DCAF5: variants seen among roughly 807,000 people sequenced by gnomAD.
DCAF5 encodes DDB1- and CUL4-associated factor 5.
In DCAF5, 9 loss-of-function variants were observed where a neutral mutation model predicts 80.7. The ratio of observed to expected loss-of-function variants is 0.11; its 90% confidence interval spans 0.07 to 0.19. The LOEUF is 0.19. Ranked by LOEUF, DCAF5 falls within the 10% of genes least tolerant of loss-of-function variation. The pLI is 1.00. For synonymous variants in DCAF5, 433 were observed against 461.9 expected (o/e 0.94, Z 0.80); for missense variants, 842 against 1,205.7 (o/e 0.70, Z 4.47).
At chr14:69,112,432 A>G (rs1407496990) in intron 5 of DCAF5, among the ~76,000 whole-genome samples, 2 of 152,106 alleles carry the variant, frequency 1.3e-5, no homozygotes, top group African/African-American at 4.8e-5. Flanking sequence ...CAGGGACCCT[A>G]TGTGATTTAG....
chr14:69,079,154 G>A (rs546933992), intron 6 of DCAF5, among the ~76,000 whole-genome samples: 52 of 152,278 alleles, frequency 3.4e-4, no homozygotes, highest in Non-Finnish European at 6.0e-4. Context: ...GTCTTATCAG[G>A]GGTTTTACTA....
chr14:69,119,278 C>CT (rs1442426131), intron 2 of DCAF5, 48 bp from the exon 3 acceptor site: 8 of 1,586,892 alleles, frequency 5.0e-6, no homozygotes, highest in Non-Finnish European at 6.9e-6. Context: ...AAGGTGGTCC[C>CT]TGTCCACATT....
chr14:69,143,860 A>G (rs754848119), intron 1 of DCAF5: 4 of 152,570 alleles, frequency 2.6e-5, no homozygotes, highest in Non-Finnish European at 5.9e-5. Context: ...TTTTATGACT[A>G]GTCAAGTGAA....
chr14:69,073,849 A>G (rs1316629642), intron 7 of DCAF5, among the ~76,000 whole-genome samples: 1 of 152,228 alleles, frequency 6.6e-6, no homozygotes, highest in Non-Finnish European at 1.5e-5. Flanking sequence ...AAAAGATACA[A>G]TTAAACCCAA....
Position 69,069,104 on chromosome 14 carries a change from G to A in DCAF5, c.946+6241C>T, listed in dbSNP as rs748900985. On this transcript the variant is annotated intron_variant, in intron 7 of 8. Transcript: ENST00000341516. ...GCTGTTTTTTCCAGTTACATGGGAG[G>A]AAAAAGCAGATACCTAGGCCTAAGT... 9.2e-4 allele frequency among the ~76,000 whole-genome samples: 140 copies of A among 152,088 alleles called. 1 individual carries two copies. The highest frequency in any genetic ancestry group is 5.7e-4 in the Non-Finnish European group (39 of 68,008).
At chr14:69,105,941 A>ATATATATATATATATATATATC in intron 5 of DCAF5, among the ~76,000 whole-genome samples, 1 of 102,566 alleles carries the variant, frequency 9.7e-6, no homozygotes, top group East Asian at 2.6e-4. Context: ...ATATATATAT[A>ATATATATATATATATATATATC]TATATCTCCT....
In DCAF5 at chr14:69,118,950, G is replaced by A; in HGVS notation, c.395+244C>T. On this transcript the variant is annotated intron_variant, in intron 3 of 8. Coordinates refer to ENST00000341516, the MANE Select transcript of DCAF5 (RefSeq NM_003861.3). The surrounding 1 kb of genome is among the most constrained non-coding windows in gnomAD (Gnocchi z 4.0). ...ATGGTTCCTTCTCTTCTAAACTCTT[G>A]TTTTAAATTTTCACCTAAAAAGTAC... 2.0e-6 allele frequency: 1 copy of A among 490,384 alleles called. No homozygotes were observed. Among genetic ancestry groups the A allele is most frequent in the South Asian group, 3.4e-5 (1 of 29,338 alleles). 30.4% of individuals were successfully genotyped at this position (490,384 alleles called of 1,614,324 possible). A position where few individuals can be genotyped will look rare whatever the true frequency, so the allele number is the denominator to read the frequency against.
intron 5 of DCAF5, among the ~76,000 whole-genome samples, chr14:69,093,869 C>A (rs2039610742): frequency 6.6e-6 from 1 of 152,176 alleles, no homozygotes; most frequent in Admixed American, 6.5e-5. Context: ...TCCCTGCAGG[C>A]CCCAAGTAGT....
chr14:69,124,696 G>A (rs2040824149), intron 1 of DCAF5, among the ~76,000 whole-genome samples: 1 of 152,112 alleles, frequency 6.6e-6, no homozygotes, highest in Non-Finnish European at 1.5e-5. Flanking sequence ...GAAAATCATG[G>A]TTTGGGTTTT....
Position 69,054,374 on chromosome 14 carries a change from A to T in DCAF5, c.2312T>A (p.Val771Glu). ...CTTCTTGGTTTCAAAAGGGTGCTCTACAGAGCCGCTATTGCCAGTGTCCTG... is the reference window on the plus strand; with the variant it reads ...CTTCTTGGTTTCAAAAGGGTGCTCTTCAGAGCCGCTATTGCCAGTGTCCTG... ...TSQDTGNSGS[V>E]EHPFETKKLN... Residue 771 changes from valine to glutamate, a missense_variant, in exon 9 of 9, where the codon GTA becomes GAA. Physicochemically the swap from Val to Glu is moderately radical, Grantham distance 121. Coordinates refer to ENST00000341516, the MANE Select transcript of DCAF5 (RefSeq NM_003861.3). 1 of 1,614,134 alleles carries T rather than the reference A, an allele frequency of 6.2e-7. No homozygotes were observed. The highest frequency in any genetic ancestry group is 1.1e-5 in the South Asian group (1 of 91,090).
At chr14:69,135,246 C>T (rs2041155834) in intron 1 of DCAF5, among the ~76,000 whole-genome samples, 1 of 152,114 alleles carries the variant, frequency 6.6e-6, no homozygotes, top group Non-Finnish European at 1.5e-5. Context: ...CCACTGGTGC[C>T]TTGGCGCTAG....
At chr14:69,129,832 G>A (rs1349154008) in intron 1 of DCAF5, among the ~76,000 whole-genome samples, 12 of 152,154 alleles carry the variant, frequency 7.9e-5, no homozygotes, top group Admixed American at 7.9e-4. Flanking sequence ...GACAAGCAGA[G>A]GCCAGGCCTT....
At chr14:69,105,914 CA>C (rs1322501647) in intron 5 of DCAF5, among the ~76,000 whole-genome samples, 1 of 50,014 alleles carries the variant, frequency 2.0e-5, no homozygotes, top group East Asian at 2.6e-3. Context: ...AATAAACTGT[CA>C]TATATATATA....
intron 6 of DCAF5, among the ~76,000 whole-genome samples, chr14:69,077,365 C>CTTGCTTATTTATTTAT (rs368425081): frequency 2.1e-5 from 3 of 143,932 alleles, no homozygotes; most frequent in African/African-American, 8.0e-5. Context: ...CGACATGTAG[C>CTTGCTTATTTATTTAT]TTATTTATTT....
chr14:69,075,568 G>A (rs916682570), intron 6 of DCAF5, among the ~76,000 whole-genome samples, 157 bp from the exon 7 acceptor site: 6 of 152,050 alleles, frequency 3.9e-5, no homozygotes, highest in East Asian at 1.9e-4. Context: ...TGCAACCTCC[G>A]ACTCCTGGGC....
chr14:69,112,268 C>T (rs1350236861), intron 5 of DCAF5, among the ~76,000 whole-genome samples: 1 of 151,958 alleles, frequency 6.6e-6, no homozygotes, highest in Non-Finnish European at 1.5e-5. Context: ...AGGTTCTAGG[C>T]CATGAGACAG....
intron 1 of DCAF5, among the ~76,000 whole-genome samples, chr14:69,137,616 C>G (rs1441437230): frequency 6.6e-6 from 1 of 152,164 alleles, no homozygotes; most frequent in Non-Finnish European, 1.5e-5. Flanking sequence ...CACCCAGCCA[C>G]CCACCAGCAG....
chr14:69,059,664 C>T (rs1017347015), intron 8 of DCAF5, among the ~76,000 whole-genome samples: 13 of 152,200 alleles, frequency 8.5e-5, no homozygotes, highest in African/African-American at 3.1e-4. Context: ...CTTCTCCTTA[C>T]CACCTGCCTT....
rs1187781166 is a variant in DCAF5, at chr14:69,055,700, T to TC, written c.1075-90dup. On this transcript the variant is annotated intron_variant, in intron 8 of 8. Transcript: ENST00000341516. This position sits in a 1 kb window ranked among gnomAD's most constrained non-coding sequence, Gnocchi z 5.6. ...TGATAAAGAACACCAAGGCAGAACT[T>TC]CCCCAGACTCTCCCTGTAATTTAAC... The TC allele has an allele frequency of 7.7e-7, 1 of 1,299,746 alleles. No homozygotes were observed. Among genetic ancestry groups the TC allele is most frequent in the East Asian group, 2.3e-5 (1 of 42,764 alleles). 80.5% of individuals were successfully genotyped at this position (1,299,746 alleles called of 1,614,324 possible).
Sources: allele counts gnomAD v4.1 joint callset (sites outside exome capture counted in the v4.1 genomes callset), GRCh38; gene constraint gnomAD v4.1.1; non-coding constraint Gnocchi (gnomAD v3.1); transcripts MANE v1.5; gene names NCBI Gene and HGNC (gene_info 2026-07-23, HGNC 2026-07-21).